CADPS: variants seen among roughly 807,000 people sequenced by gnomAD.
CADPS encodes the protein calcium dependent secretion activator.
CADPS carries 57 observed loss-of-function variants against 167.3 expected under a neutral mutation model. The ratio of observed to expected loss-of-function variants is 0.34; its 90% CI spans 0.28 to 0.42. The LOEUF is 0.42. Ranked by LOEUF, CADPS falls within the 20% of genes least tolerant of loss-of-function variation. The pLI is 1.00. For synonymous variants in CADPS, 676 were observed against 635.3 expected (o/e 1.06, Z -0.96); for missense variants, 1,414 against 1,738.1 (o/e 0.81, Z 3.32).
At chr3:62,807,516 C>T (rs2094163739) in intron 1 of CADPS, among the ~76,000 whole-genome samples, 1 of 152,078 alleles carries the variant, frequency 6.6e-6, no homozygotes, top group Non-Finnish European at 1.5e-5. Context: ...CCTGCCTCGG[C>T]CTCCCAAAGT....
rs997642035 is a variant in CADPS at position 62,602,581 on chromosome 3, C to T, written c.1326-9833G>A. 2.0e-5 allele frequency among the ~76,000 whole-genome samples: 3 copies of T among 152,132 alleles called. No homozygotes were observed. Among genetic ancestry groups the T allele is most frequent in the South Asian group, 2.1e-4 (1 of 4,822 alleles). ...ACTCCAAGGGAATCAATTGTGCCAT[C>T]GCAGTGTGTCTCATGCAAACTAATT... On this transcript the variant is annotated intron_variant, in intron 6 of 29. Coordinates refer to ENST00000383710, the MANE Select transcript of CADPS (RefSeq NM_003716.4). The surrounding 1 kb of genome is among the most constrained non-coding windows in gnomAD (Gnocchi z 4.4).
At chr3:62,515,910 A>G (rs1038496979) in intron 16 of CADPS, 149 bp downstream of exon 16, 3 of 867,854 alleles carry the variant, frequency 3.5e-6, no homozygotes, top group Non-Finnish European at 5.2e-6. Context: ...ACAGCCAAGG[A>G]AACTTCGACA....
At chr3:62,688,768 C>A (rs989483806) in intron 3 of CADPS, among the ~76,000 whole-genome samples, 1 of 152,002 alleles carries the variant, frequency 6.6e-6, no homozygotes, top group Non-Finnish European at 1.5e-5. Flanking sequence ...TCCTCAGACA[C>A]TCAGTGTCAC....
chr3:62,399,655 A>T lies in CADPS; in HGVS notation c.3883-70T>A, dbSNP rs1705157159. On this transcript the variant is annotated intron_variant, in intron 29 of 29. Transcript: ENST00000383710. This position sits in a 1 kb window ranked among gnomAD's most constrained non-coding sequence, Gnocchi z 5.6. ...TGATGGGGAGGGAGAAGGTAAAAGC[A>T]GGTGTGGGTGGGAGAGCACTGACCT... 1.5e-6 allele frequency: 2 copies of T among 1,345,152 alleles called. No individual in the cohort carries two copies. Among genetic ancestry groups the T allele is most frequent in the East Asian group, 2.4e-5 (1 of 42,144 alleles). 83.3% of individuals were successfully genotyped at this position (1,345,152 alleles called of 1,614,324 possible). A position where few individuals can be genotyped will look rare whatever the true frequency, so the allele number is the denominator to read the frequency against.
At chr3:62,864,732 T>G (rs1244918310) in intron 1 of CADPS, among the ~76,000 whole-genome samples, 1 of 152,076 alleles carries the variant, frequency 6.6e-6, no homozygotes, top group Non-Finnish European at 1.5e-5. Context: ...TCTGAGGCAG[T>G]GGGGGTTAGG....
chr3:62,629,365 G>A (rs939182553), intron 6 of CADPS, among the ~76,000 whole-genome samples: 3 of 152,168 alleles, frequency 2.0e-5, no homozygotes, highest in African/African-American at 7.2e-5. Context: ...AATGGAATCA[G>A]ATAATATGTG....
intron 28 of CADPS, among the ~76,000 whole-genome samples, chr3:62,431,150 C>A (rs929332091): frequency 6.6e-6 from 1 of 152,128 alleles, no homozygotes; most frequent in African/African-American, 2.4e-5. Context: ...AGATTGATAA[C>A]CTCGGGGAAA....
rs1553689720 is a variant in CADPS at position 62,794,792 on chromosome 3, A to AAAAAAAAAAAG, written c.442-28809_442-28808insCTTTTTTTTTT. 1.6e-3 allele frequency among the ~76,000 whole-genome samples: 243 copies of AAAAAAAAAAAG among 147,504 alleles called. 2 individuals carry two copies. The highest frequency in any genetic ancestry group is 6.1e-3 in the African/African-American group (230 of 37,506). On this transcript the variant is annotated intron_variant, in intron 1 of 29. Coordinates refer to ENST00000383710, the MANE Select transcript of CADPS (RefSeq NM_003716.4). ...ACGCAAGGTGGTAAAAAAAAAAAAA[A>AAAAAAAAAAAG]AAAAAAAAAAATGCAAGAGCTCTTC...
chr3:62,461,086 G>A (rs1314355863), intron 26 of CADPS, among the ~76,000 whole-genome samples: 1 of 152,152 alleles, frequency 6.6e-6, no homozygotes, highest in Non-Finnish European at 1.5e-5. Context: ...AGTGAAGGAA[G>A]AATTCACGTG....
chr3:62,618,644 T>C (rs947718168), intron 6 of CADPS, among the ~76,000 whole-genome samples: 1 of 152,158 alleles, frequency 6.6e-6, no homozygotes, highest in Non-Finnish European at 1.5e-5. Context: ...TTTCCTTCCT[T>C]TCAGATGCCA....
intron 1 of CADPS, among the ~76,000 whole-genome samples, chr3:62,798,720 G>C (rs1485176551): frequency 3.3e-5 from 5 of 151,998 alleles, no homozygotes; most frequent in Admixed American, 2.0e-4. Context: ...GATGTGTTAG[G>C]TACTTTTTCC....
intron 3 of CADPS, among the ~76,000 whole-genome samples, chr3:62,741,151 A>G (rs1195635146): frequency 6.6e-6 from 1 of 152,160 alleles, no homozygotes; most frequent in African/African-American, 2.4e-5. Flanking sequence ...AGCTAATAAT[A>G]ACTAGCACCA....
intron 26 of CADPS, among the ~76,000 whole-genome samples, chr3:62,448,293 T>C (rs1156797504): frequency 6.6e-6 from 1 of 152,168 alleles, no homozygotes; most frequent in African/African-American, 2.4e-5. Context: ...ACAGCTGAAA[T>C]GAGCAACCTT....
At position 62,740,655 on chromosome 3, in the gene CADPS, T is replaced by G. The variant is rs145963417; in HGVS notation, c.888+12786A>C. ...TCAAACCCCATTGTTATCTGATAGC[T>G]CTAAAGTGCTCCAGCTGTTGAAACT... On this transcript the variant is annotated intron_variant, in intron 3 of 29. Coordinates refer to ENST00000383710, the MANE Select transcript of CADPS (RefSeq NM_003716.4). 7.8e-4 allele frequency among the ~76,000 whole-genome samples: 119 copies of G among 152,248 alleles called. No individual in the cohort carries two copies. The East Asian group carries it at 7.9e-3, about 10-fold the overall frequency.
intron 3 of CADPS, among the ~76,000 whole-genome samples, chr3:62,706,002 C>A (rs1036095975): frequency 2.6e-5 from 4 of 152,128 alleles, no homozygotes; most frequent in African/African-American, 9.7e-5. Flanking sequence ...GTCCAAGGCC[C>A]TGCTTTGTGG....
chr3:62,840,179 C>T (rs2076445725), intron 1 of CADPS, among the ~76,000 whole-genome samples: 1 of 152,146 alleles, frequency 6.6e-6, no homozygotes, highest in Non-Finnish European at 1.5e-5. Context: ...CTTATTTAAC[C>T]TCTCTCACCC....
At chr3:62,570,596 T>A (rs1305476730) in intron 9 of CADPS, among the ~76,000 whole-genome samples, 1 of 152,222 alleles carries the variant, frequency 6.6e-6, no homozygotes, top group Non-Finnish European at 1.5e-5. Flanking sequence ...TCTCACATAC[T>A]ACTGTATTGT....
At chr3:62,484,075 T>C (rs977114332) in intron 21 of CADPS, among the ~76,000 whole-genome samples, 3 of 152,124 alleles carry the variant, frequency 2.0e-5, no homozygotes, top group Non-Finnish European at 4.4e-5. Flanking sequence ...CTTCTATTAA[T>C]CAAAACATAT....
intron 6 of CADPS, among the ~76,000 whole-genome samples, chr3:62,634,649 A>G (rs10510881): frequency 0.3 from 45,496 of 152,138 alleles, 7,489 homozygotes; most frequent in Non-Finnish European, 0.36. Flanking sequence ...TTGAAATAAC[A>G]CTTGACTATT....
Sources: gnomAD v4.1 joint callset for allele counts (sites outside exome capture counted in the v4.1 genomes callset) on GRCh38, gnomAD v4.1.1 for gene constraint, Gnocchi (gnomAD v3.1) non-coding constraint, MANE v1.5 for transcripts, NCBI Gene and HGNC (gene_info 2026-07-23, HGNC 2026-07-21) for gene names.